The following FGD3 variants were observed in gnomAD, a reference collection of about 807,000 sequenced individuals.
FGD3 encodes FYVE, RhoGEF and PH domain containing 3.
FGD3 carries 45 observed loss-of-function variants against 71.8 expected under a neutral mutation model. The ratio of observed to expected loss-of-function variants is 0.63; its 90% CI spans 0.49 to 0.80. The LOEUF is 0.80. FGD3 is among the 30% of genes least tolerant of loss of function. The probability of loss-of-function intolerance (pLI) is 0.00; values close to 1 mark genes in which losing one functional copy is unlikely to be tolerated. For missense variants in FGD3, 844 were observed against 951.5 expected (o/e 0.89, Z 1.49); for synonymous variants, 378 against 392.8 (o/e 0.96, Z 0.44).
chr9:92,995,514 G>A (rs980601077), intron 3 of FGD3, among the ~76,000 whole-genome samples: 1 of 152,174 alleles, frequency 6.6e-6, no homozygotes. Flanking sequence ...ACACTACGTT[G>A]AATAGGAGTG....
chr9:92,981,368 C>CAAAAAAAAAAAAA (rs11454338), intron 3 of FGD3, among the ~76,000 whole-genome samples: 1 of 111,768 alleles, frequency 8.9e-6, no homozygotes. Context: ...ATTCCATCTC[C>CAAAAAAAAAAAAA]AAAAAAAAAA....
chr9:93,028,699 G>A (rs899041218), intron 14 of FGD3, among the ~76,000 whole-genome samples: 22 of 152,172 alleles, frequency 1.4e-4, no homozygotes, highest in African/African-American at 4.6e-4. Context: ...TGAGGCTTAC[G>A]ACCCAGGGAC....
intron 1 of FGD3, among the ~76,000 whole-genome samples, chr9:92,953,986 T>C (rs1456074171): frequency 2.0e-5 from 3 of 152,166 alleles, no homozygotes; most frequent in Admixed American, 2.0e-4. Context: ...AATGAACAAC[T>C]TCGATTCTTG....
chr9:93,008,379 C>G (rs1396506915), intron 6 of FGD3, among the ~76,000 whole-genome samples: 1 of 152,204 alleles, frequency 6.6e-6, no homozygotes, highest in African/African-American at 2.4e-5. Context: ...TAACCCAACC[C>G]AGGGCCACAC....
chr9:93,008,635 C>T (rs1861165995), intron 6 of FGD3, among the ~76,000 whole-genome samples: 1 of 152,208 alleles, frequency 6.6e-6, no homozygotes, highest in African/African-American at 2.4e-5. Flanking sequence ...GCGTGTCTGT[C>T]AGGACTCTTC....
chr9:93,027,683 C>G (rs1001021739), intron 14 of FGD3, among the ~76,000 whole-genome samples: 4 of 151,674 alleles, frequency 2.6e-5, no homozygotes, highest in Non-Finnish European at 5.9e-5. Context: ...TTCTTCACCC[C>G]CAACCAGTTC....
intron 3 of FGD3, among the ~76,000 whole-genome samples, chr9:92,997,586 T>G (rs1183980425): frequency 2.0e-5 from 3 of 152,348 alleles, no homozygotes; most frequent in Non-Finnish European, 2.9e-5. Context: ...CTTTATAATT[T>G]GGCACGTTTT....
In FGD3 at chr9:92,984,811, C is replaced by CTT. The variant is rs375226068; in HGVS notation, c.453+8115_453+8116dup. On this transcript the variant is annotated intron_variant, in intron 3 of 17. Coordinates refer to ENST00000375482, the MANE Select transcript of FGD3 (RefSeq NM_001083536.2). ...GTAAAGGGGTGTGAATCTTTTTTTT[C>CTT]TTTTTTTTTTTTTTGGAGGGAGGGA... Among the ~76,000 whole-genome samples the CTT allele has an allele frequency of 1.9e-3, 269 of 139,282 alleles. 2 individuals carry two copies. The highest frequency in any genetic ancestry group is 6.7e-3 in the African/African-American group (255 of 37,894). The allele number at this position is 139,282 out of a possible 152,430, so 91.4% of individuals were successfully genotyped here. A position where few individuals can be genotyped will look rare whatever the true frequency, so the allele number is the denominator to read the frequency against.
intron 14 of FGD3, among the ~76,000 whole-genome samples, chr9:93,027,257 C>T (rs189092866): frequency 6.6e-6 from 1 of 152,326 alleles, no homozygotes; most frequent in Non-Finnish European, 1.5e-5. Flanking sequence ...CCAGGCCACA[C>T]AGCTGGAAGT....
chr9:93,020,965 C>T (rs1447517370), intron 13 of FGD3, among the ~76,000 whole-genome samples: 1 of 152,194 alleles, frequency 6.6e-6, no homozygotes, highest in Non-Finnish European at 1.5e-5. Flanking sequence ...TCCTTCATGA[C>T]CTGTTTGGTT....
At chr9:93,020,192 G>A (rs1861858419) in intron 12 of FGD3, 125 bp from the exon 13 acceptor site, 2 of 843,790 alleles carry the variant, frequency 2.4e-6, no homozygotes, top group South Asian at 3.5e-5. Context: ...GAGATGGCCA[G>A]TGGCCTGGGC....
chr9:93,034,777 C>T, intron 17 of FGD3, 96 bp downstream of exon 17: 1 of 1,373,490 alleles, frequency 7.3e-7, no homozygotes. Context: ...CTGGGGTCCA[C>T]CTGCTTGAGC....
chr9:93,007,179 C>A (rs1861096482), intron 6 of FGD3, among the ~76,000 whole-genome samples: 1 of 151,822 alleles, frequency 6.6e-6, no homozygotes, highest in South Asian at 2.1e-4. Context: ...TAAGCTCCGC[C>A]TCCCAGGTTC....
At position 93,018,212 on chromosome 9, in the gene FGD3, C is replaced by T. The variant is rs528777144; in HGVS notation, c.1352C>T (p.Thr451Met). 2.6e-5 allele frequency: 42 copies of T among 1,613,714 alleles called. No homozygotes were observed. The highest frequency in any genetic ancestry group is 6.7e-5 in the East Asian group (3 of 44,900). Residue 451 changes from threonine to methionine, a missense_variant, in exon 11 of 18, where the codon ACG (threonine) becomes ATG (methionine). Physicochemically the swap from Thr to Met is moderately conservative, Grantham distance 81. Transcript: ENST00000375482. ...TGRKRSLELQ[T>M]RTEEEKKEWI... The stretch of plus-strand genomic sequence containing the variant: ...AGAAAAAGGTCCCTGGAGCTGCAGA[C>T]GCGGTATGGAACGGGCTGTTTCTAG...
chr9:92,990,475 A>G (rs953892915), intron 3 of FGD3, among the ~76,000 whole-genome samples: 1 of 152,218 alleles, frequency 6.6e-6, no homozygotes, highest in African/African-American at 2.4e-5. Flanking sequence ...TAGTGGGGAA[A>G]GTGGGCATCC....
intron 3 of FGD3, among the ~76,000 whole-genome samples, chr9:92,989,192 A>C (rs947204322): frequency 2.1e-4 from 32 of 152,190 alleles, no homozygotes; most frequent in African/African-American, 7.2e-4. Context: ...CTGGGACTAC[A>C]GATGCGTGCC....
intron 3 of FGD3, among the ~76,000 whole-genome samples, chr9:92,981,196 G>T (rs1859980084): frequency 6.7e-6 from 1 of 150,156 alleles, no homozygotes; most frequent in South Asian, 2.1e-4. Flanking sequence ...GTGAAAACCT[G>T]TCTCTATTAA....
At chr9:92,961,552 GGT>G (rs1279544153) in intron 1 of FGD3, among the ~76,000 whole-genome samples, 2 of 152,180 alleles carry the variant, frequency 1.3e-5, no homozygotes, top group African/African-American at 2.4e-5. Flanking sequence ...CCCAACTTCA[GGT>G]CACCCTTGCC....
intron 6 of FGD3, among the ~76,000 whole-genome samples, chr9:93,009,850 G>T (rs1378085842): frequency 6.6e-6 from 1 of 152,266 alleles, no homozygotes; most frequent in African/African-American, 2.4e-5. Context: ...AGTGGGGATG[G>T]TTGGGCGAAG....
Sources: gnomAD v4.1 joint callset for allele counts (sites outside exome capture counted in the v4.1 genomes callset) on GRCh38, gnomAD v4.1.1 for gene constraint, MANE v1.5 for transcripts, NCBI Gene and HGNC (gene_info 2026-07-23, HGNC 2026-07-21) for gene names.